ATP5F1C: variants seen among roughly 807,000 people sequenced by gnomAD.
The protein encoded by ATP5F1C is ATP synthase F(1) complex subunit gamma, mitochondrial.
Under a neutral mutation model 37.4 loss-of-function variants are expected in ATP5F1C, and 22 were observed. The ratio of observed to expected loss-of-function variants is 0.59; its 90% CI spans 0.42 to 0.84. ATP5F1C has a LOEUF of 0.84. Ranked by LOEUF, ATP5F1C falls within the 40% of genes least tolerant of loss-of-function variation. The pLI is 0.00. For synonymous variants in ATP5F1C, 121 were observed against 128.0 expected, an observed-to-expected ratio of 0.95 and a Z score of 0.37; for missense variants, 286 against 362.4, an observed-to-expected ratio of 0.79 and a Z score of 1.71.
chr10:7,791,446 A>G (rs1051232320), intron 1 of ATP5F1C, among the ~76,000 whole-genome samples: 2 of 152,194 alleles, frequency 1.3e-5, no homozygotes, highest in East Asian at 3.8e-4. Flanking sequence ...GAATTAGCCA[A>G]TATTGCTTGC....
At chr10:7,807,531 T>C (rs1836506534) in intron 9 of ATP5F1C, 128 bp from the exon 10 acceptor site, 1 of 1,118,556 alleles carries the variant, frequency 8.9e-7, no homozygotes, top group Non-Finnish European at 1.2e-6. Flanking sequence ...ATCACTGGTA[T>C]AGGGTAACAC....
At chr10:7,803,540 C>T (rs2131075950) in intron 8 of ATP5F1C, among the ~76,000 whole-genome samples, 1 of 152,188 alleles carries the variant, frequency 6.6e-6, no homozygotes, top group East Asian at 1.9e-4. Context: ...AAATATTTTA[C>T]ATCGGCTGTT....
At chr10:7,802,596 G>A (rs1191923769) in intron 7 of ATP5F1C, among the ~76,000 whole-genome samples, 162 bp from the exon 8 acceptor site, 1 of 152,176 alleles carries the variant, frequency 6.6e-6, no homozygotes, top group African/African-American at 2.4e-5. Flanking sequence ...CTGTGAAAAG[G>A]TATCCTATGG....
chr10:7,803,824 G>C (rs1260719929), intron 8 of ATP5F1C, among the ~76,000 whole-genome samples: 1 of 152,124 alleles, frequency 6.6e-6, no homozygotes, highest in East Asian at 1.9e-4. Flanking sequence ...AGTTCTTTTT[G>C]ACTCGTTCCT....
intron 6 of ATP5F1C, among the ~76,000 whole-genome samples, chr10:7,801,286 A>AT (rs1186801388): frequency 2.6e-5 from 4 of 152,172 alleles, no homozygotes; most frequent in African/African-American, 9.7e-5. Context: ...AATTGAGTAC[A>AT]TTTTTTTCTC....
chr10:7,802,426 G>GT lies in ATP5F1C; in HGVS notation c.793+2dup. 6.2e-7 allele frequency: 1 copy of GT among 1,611,312 alleles called. No homozygotes were observed. Among genetic ancestry groups the GT allele is most frequent in the Non-Finnish European group, 8.5e-7 (1 of 1,178,826 alleles). On this transcript the variant is annotated splice_donor_variant, in intron 7 of 9. Coordinates refer to ENST00000356708, the MANE Select transcript of ATP5F1C (RefSeq NM_001001973.3). LOFTEE classifies it high-confidence loss of function. ...ATGGACAATGCCAGCAAGAATGCTTGTAAGTACACAGTATGGACAGTGCCA... is the reference window on the plus strand; with the variant it reads ...ATGGACAATGCCAGCAAGAATGCTTGTTAAGTACACAGTATGGACAGTGCCA...
intron 4 of ATP5F1C, 135 bp downstream of exon 4, chr10:7,799,329 C>A: frequency 1.3e-6 from 1 of 741,096 alleles, no homozygotes; most frequent in Non-Finnish European, 2.2e-6. Context: ...GGTATATTCA[C>A]AAGGGGGTGT....
intron 6 of ATP5F1C, among the ~76,000 whole-genome samples, chr10:7,801,302 A>T (rs1487394332): frequency 6.6e-6 from 1 of 152,202 alleles, no homozygotes; most frequent in Non-Finnish European, 1.5e-5. Context: ...TTCTCTCTTA[A>T]TGAGAAATAA....
rs77469391 is a variant in ATP5F1C at position 7,805,279 on chromosome 10, G to A, written c.891-1695G>A. Among the ~76,000 whole-genome samples, 615 of 152,244 alleles carry A rather than the reference G, an allele frequency of 4.0e-3. 15 individuals carry two copies. Among genetic ancestry groups the A allele is most frequent in the East Asian group, 0.031 (162 of 5,180 alleles). ...TTAAAGCCAGGCTGATTTGTTCTTGGATCTTAAGTGTGACAAAGCCTGCGG... is the reference window on the plus strand; with the variant it reads ...TTAAAGCCAGGCTGATTTGTTCTTGAATCTTAAGTGTGACAAAGCCTGCGG... On this transcript the variant is annotated intron_variant, in intron 8 of 9. Coordinates refer to ENST00000356708, the MANE Select transcript of ATP5F1C (RefSeq NM_001001973.3).
intron 1 of ATP5F1C, among the ~76,000 whole-genome samples, chr10:7,789,658 G>T (rs139004416): frequency 4.1e-4 from 62 of 152,318 alleles, no homozygotes; most frequent in African/African-American, 1.4e-3. Flanking sequence ...TGCCTGGCAT[G>T]CAGTGGTGCT....
At chr10:7,801,704 T>G (rs1389479152) in intron 6 of ATP5F1C, 1 of 153,230 alleles carries the variant, frequency 6.5e-6, no homozygotes, top group Non-Finnish European at 1.5e-5. Context: ...AAGGCAATTT[T>G]ATGCAATATT....
Position 7,800,491 on chromosome 10 carries a change from A to ATT in ATP5F1C, c.637+406_637+407dup, listed in dbSNP as rs137972460. ...ATTACAGGCATGAGCCCAGCCTTTTATTTTTTTATTTTTTATTTTTTGAGA... is the reference window on the plus strand; with the variant it reads ...ATTACAGGCATGAGCCCAGCCTTTTATTTTTTTTTATTTTTTATTTTTTGAGA... On this transcript the variant is annotated intron_variant, in intron 6 of 9. Transcript: ENST00000356708. Among the ~76,000 whole-genome samples the ATT allele has an allele frequency of 7.1e-5, 8 of 113,444 alleles. 1 individual carries two copies. The highest frequency in any genetic ancestry group is 3.4e-4 in the Admixed American group (4 of 11,796). 74.4% of individuals were successfully genotyped at this position (113,444 alleles called of 152,430 possible). A position where few individuals can be genotyped will look rare whatever the true frequency, so the allele number is the denominator to read the frequency against.
intron 1 of ATP5F1C, among the ~76,000 whole-genome samples, chr10:7,791,737 G>A (rs1396501767): frequency 1.3e-5 from 2 of 152,202 alleles, no homozygotes; most frequent in African/African-American, 4.8e-5. Context: ...CCTAAAGAGA[G>A]TTCAATTAGC....
rs1182562632 is a variant in ATP5F1C at position 7,797,168 on chromosome 10, G to A, written c.213G>A (p.Leu71=). 1.2e-6 allele frequency: 2 copies of A among 1,613,810 alleles called. No homozygotes were observed. The highest frequency in any genetic ancestry group is 1.7e-4 in the Middle Eastern group (1 of 6,058). The part of the protein sequence containing the change: ...RELKPARIYG[L]GSLALYEKAD... The stretch of plus-strand genomic sequence containing the variant: ...TGAAACCAGCTCGAATATATGGATT[G>A]GGATCTTTAGGTAAGGGAAGAGTGT... The change falls in exon 3 of 10, where the codon TTG becomes TTA. Residue 71 remains leucine, a synonymous_variant. Transcript: ENST00000356708.
chr10:7,804,002 G>C (rs1836425433), intron 8 of ATP5F1C: 1 of 483,092 alleles, frequency 2.1e-6, no homozygotes, highest in African/African-American at 2.0e-5. Flanking sequence ...CCCTGTGCTA[G>C]ACACTGAGGA....
intron 8 of ATP5F1C, among the ~76,000 whole-genome samples, chr10:7,804,853 GGTTTTAA>G (rs1227771985): frequency 6.6e-6 from 1 of 152,198 alleles, no homozygotes; most frequent in Non-Finnish European, 1.5e-5. Flanking sequence ...GTGGGTCCAT[GGTTTTAA>G]GAGTCAGGGA....
At chr10:7,800,200 G>A (rs189588448) in intron 6 of ATP5F1C, 109 bp downstream of exon 6, 1 of 1,171,168 alleles carries the variant, frequency 8.5e-7, no homozygotes, top group Admixed American at 1.9e-5. Context: ...CAAATGATTT[G>A]GGGCTGTTTC....
intron 1 of ATP5F1C, among the ~76,000 whole-genome samples, chr10:7,788,579 GCACTTCCTGAGCTTC>G (rs1836096682): frequency 6.6e-6 from 1 of 152,198 alleles, no homozygotes; most frequent in East Asian, 1.9e-4. Flanking sequence ...CAGCTAATCA[GCACTTCCTGAGCTTC>G]CACTTCCACT....
At chr10:7,806,427 G>A (rs1836481719) in intron 8 of ATP5F1C, among the ~76,000 whole-genome samples, 7 of 152,170 alleles carry the variant, frequency 4.6e-5, no homozygotes, top group Admixed American at 3.9e-4. Flanking sequence ...GGCCGAGGCG[G>A]GTGGATCACC....
Sources: allele counts gnomAD v4.1 joint callset (sites outside exome capture counted in the v4.1 genomes callset), GRCh38; gene constraint gnomAD v4.1.1; transcripts MANE v1.5; gene names NCBI Gene and HGNC (gene_info 2026-07-23, HGNC 2026-07-21).